The following PITPNC1 variants were observed in gnomAD, a reference collection of about 807,000 sequenced individuals.
PITPNC1 encodes phosphatidylinositol transfer protein cytoplasmic 1, also known as cytoplasmic phosphatidylinositol transfer protein 1.
PITPNC1 carries 18 observed loss-of-function variants against 44.7 expected under a neutral mutation model. That is an observed-to-expected ratio of 0.40 (90% CI 0.28 to 0.60). PITPNC1 has a LOEUF of 0.60. Among genes scored for constraint, PITPNC1 ranks in the 20% least tolerant of loss-of-function variants. The pLI, the probability that PITPNC1 is intolerant of heterozygous loss-of-function variation, is 0.39. For synonymous variants in PITPNC1, 141 were observed against 149.6 expected, an observed-to-expected ratio of 0.94 and a Z score of 0.42; for missense variants, 290 against 418.4, an observed-to-expected ratio of 0.69 and a Z score of 2.68.
intron 1 of PITPNC1, among the ~76,000 whole-genome samples, chr17:67,442,325 A>G (rs553253536): frequency 6.1e-4 from 90 of 146,446 alleles, no homozygotes; most frequent in Non-Finnish European, 1.2e-3. Context: ...AAAGTTGACT[A>G]TGAGTAAAGT....
chr17:67,545,645 A>G (rs1412614008), intron 2 of PITPNC1, among the ~76,000 whole-genome samples: 3 of 152,186 alleles, frequency 2.0e-5, no homozygotes, highest in East Asian at 1.9e-4. Flanking sequence ...TTACCAAAAT[A>G]TATAAGCTGC....
At chr17:67,495,147 C>T (rs553341285) in intron 1 of PITPNC1, among the ~76,000 whole-genome samples, 2 of 147,678 alleles carry the variant, frequency 1.4e-5, no homozygotes, top group East Asian at 4.1e-4. Context: ...AGCTCCGCCT[C>T]CCGGGTTCAC....
At chr17:67,568,662 G>A (rs115524315) in intron 4 of PITPNC1, among the ~76,000 whole-genome samples, 2 of 151,936 alleles carry the variant, frequency 1.3e-5, no homozygotes, top group African/African-American at 4.8e-5. Flanking sequence ...GAATAGTAAA[G>A]CTATATTTTG....
At chr17:67,539,181 GAT>G (rs2040570094) in intron 2 of PITPNC1, among the ~76,000 whole-genome samples, 1 of 152,162 alleles carries the variant, frequency 6.6e-6, no homozygotes, top group South Asian at 2.1e-4. Context: ...TGTTCACAAA[GAT>G]ATGTGAAAAT....
intron 6 of PITPNC1, 121 bp downstream of exon 6, chr17:67,632,359 T>A: frequency 1.5e-6 from 1 of 668,230 alleles, no homozygotes; most frequent in African/African-American, 1.8e-5. Context: ...CAATTTGCTT[T>A]CGTATCTTGC....
At chr17:67,662,870 T>C (rs2042368624) in intron 6 of PITPNC1, among the ~76,000 whole-genome samples, 1 of 152,238 alleles carries the variant, frequency 6.6e-6, no homozygotes, top group Non-Finnish European at 1.5e-5. Context: ...ATGGATCCTG[T>C]CACCCTGTGG....
intron 1 of PITPNC1, among the ~76,000 whole-genome samples, chr17:67,472,399 A>G (rs2039552724): frequency 1.4e-5 from 2 of 146,844 alleles, no homozygotes; most frequent in East Asian, 4.0e-4. Flanking sequence ...TGTAATCCCA[A>G]CACTTTGGGA....
intron 4 of PITPNC1, among the ~76,000 whole-genome samples, chr17:67,566,062 C>T (rs754449734): frequency 8.1e-4 from 123 of 152,108 alleles, no homozygotes; most frequent in Non-Finnish European, 1.7e-3. Context: ...TCCCAATGTA[C>T]TTAACCAGCC....
chr17:67,623,772 A>G lies in PITPNC1; in HGVS notation c.367-8371A>G, dbSNP rs2041862685. The stretch of plus-strand genomic sequence containing the variant: ...TTCATCTAAGCCTGGATCTTAAACC[A>G]TCAAAGTTTCTGTTGTAGAGAAAAG... On this transcript the variant is annotated intron_variant, in intron 5 of 8. Transcript: ENST00000581322. Among the ~76,000 whole-genome samples the G allele has an allele frequency of 2.0e-5, 3 of 152,224 alleles. No individual in the cohort carries two copies. The South Asian group carries it at 6.2e-4, about 31-fold the overall frequency.
At chr17:67,448,891 C>T (rs12453210) in intron 1 of PITPNC1, among the ~76,000 whole-genome samples, 61,685 of 152,074 alleles carry the variant, frequency 0.41, 13,375 homozygotes, top group Non-Finnish European at 0.49. Context: ...CTCAGCCTCC[C>T]CAGTAGCTGG....
chr17:67,405,116 G>A (rs145977459), intron 1 of PITPNC1, among the ~76,000 whole-genome samples: 380 of 152,080 alleles, frequency 2.5e-3, no homozygotes, highest in African/African-American at 8.8e-3. Context: ...GCATGATGGC[G>A]CACACCTGTA....
At chr17:67,412,757 G>A (rs1248911782) in intron 1 of PITPNC1, among the ~76,000 whole-genome samples, 4 of 151,998 alleles carry the variant, frequency 2.6e-5, no homozygotes, top group African/African-American at 9.7e-5. Flanking sequence ...TTAGAGGCGG[G>A]GTTTCTCCAT....
At chr17:67,428,537 A>G (rs1490107252) in intron 1 of PITPNC1, among the ~76,000 whole-genome samples, 1 of 150,674 alleles carries the variant, frequency 6.6e-6, no homozygotes, top group Non-Finnish European at 1.5e-5. Context: ...TATCTCAAAA[A>G]GAAAAAAAAA....
rs189402184 is a variant in PITPNC1, at chr17:67,597,416, C to T, written c.366+19159C>T. On this transcript the variant is annotated intron_variant, in intron 5 of 8. Coordinates refer to ENST00000581322, the MANE Select transcript of PITPNC1 (RefSeq NM_012417.4). The surrounding 1 kb of genome is among the most constrained non-coding windows in gnomAD (Gnocchi z 4.0). ...TAAAAATACAAAAATTAGCCAGGCG[C>T]GGTGGCACACACCTGTAATCACAGC... Among the ~76,000 whole-genome samples, 16 of 152,012 alleles carry T rather than the reference C, an allele frequency of 1.1e-4. No individual in the cohort carries two copies. Among genetic ancestry groups the T allele is most frequent in the South Asian group, 2.1e-4 (1 of 4,812 alleles).
chr17:67,479,442 G>C (rs2039675055), intron 1 of PITPNC1, among the ~76,000 whole-genome samples: 1 of 145,280 alleles, frequency 6.9e-6, no homozygotes, highest in Non-Finnish European at 1.5e-5. Flanking sequence ...TCATTAGCTA[G>C]ATTGAGCTAT....
chr17:67,428,392 T>C (rs2038803009), intron 1 of PITPNC1, among the ~76,000 whole-genome samples: 2 of 151,708 alleles, frequency 1.3e-5, no homozygotes, highest in African/African-American at 4.8e-5. Flanking sequence ...AAACAAAAAT[T>C]AGCAGGGCAT....
chr17:67,410,723 C>T lies in PITPNC1; in HGVS notation c.48+32521C>T, dbSNP rs146529381. Reference sequence around the variant, plus strand: ...TTTTTGCTGTTAGTAGGTGAGTCTGCGTGTTAATTAAAGCAACATCACACC... The same window carrying T: ...TTTTTGCTGTTAGTAGGTGAGTCTGTGTGTTAATTAAAGCAACATCACACC... On this transcript the variant is annotated intron_variant, in intron 1 of 8. Coordinates refer to ENST00000581322, the MANE Select transcript of PITPNC1 (RefSeq NM_012417.4). Among the ~76,000 whole-genome samples, 43 of 152,056 alleles carry T rather than the reference C, an allele frequency of 2.8e-4. No individual in the cohort carries two copies. The East Asian group carries it at 5.4e-3, about 19-fold the overall frequency.
intron 1 of PITPNC1, among the ~76,000 whole-genome samples, chr17:67,383,679 G>A (rs1056502541): frequency 6.6e-6 from 1 of 152,204 alleles, no homozygotes; most frequent in African/African-American, 2.4e-5. Context: ...TCTCTCAAGA[G>A]ACGCTAAGCA....
intron 6 of PITPNC1, chr17:67,638,255 A>C (rs533038844): frequency 6.6e-6 from 1 of 152,398 alleles, no homozygotes; most frequent in South Asian, 2.1e-4. Flanking sequence ...TTGGGGTGCA[A>C]GAACAAACCT....
Sources: allele counts gnomAD v4.1 joint callset (sites outside exome capture counted in the v4.1 genomes callset), GRCh38; gene constraint gnomAD v4.1.1; non-coding constraint Gnocchi (gnomAD v3.1); transcripts MANE v1.5; gene names NCBI Gene and HGNC (gene_info 2026-07-23, HGNC 2026-07-21).